CSMD1: variants seen among roughly 807,000 people sequenced by gnomAD.
The protein encoded by CSMD1 is CUB and sushi domain-containing protein 1.
CSMD1 carries 213 observed loss-of-function variants against 417.5 expected under a neutral mutation model. That is an observed-to-expected ratio of 0.51 (90% confidence interval 0.46 to 0.57). The LOEUF (loss-of-function observed/expected upper bound fraction) is 0.57, where lower values mean the gene tolerates loss of function less well. Among genes scored for constraint, CSMD1 ranks in the 20% least tolerant of loss-of-function variants. The probability of loss-of-function intolerance (pLI) is 0.00; values close to 1 mark genes in which losing one functional copy is unlikely to be tolerated. For synonymous variants in CSMD1, 2,862 were observed against 1,736.8 expected (o/e 1.65, Z -16.11); for missense variants, 6,923 against 4,529.7 (o/e 1.53, Z -15.17).
intron 3 of CSMD1, among the ~76,000 whole-genome samples, chr8:4,394,077 ACTC>A (rs961627306): frequency 2.0e-5 from 3 of 152,014 alleles, no homozygotes; most frequent in African/African-American, 7.3e-5. Context: ...TCTGAAACAA[ACTC>A]CTCAATCCTC....
intron 23 of CSMD1, among the ~76,000 whole-genome samples, chr8:3,339,325 T>A (rs986874461): frequency 6.6e-6 from 1 of 152,080 alleles, no homozygotes; most frequent in African/African-American, 2.4e-5. Flanking sequence ...GCAGAACACT[T>A]TAAAGATGTT....
intron 1 of CSMD1, among the ~76,000 whole-genome samples, chr8:4,927,189 C>G (rs979529490): frequency 6.6e-6 from 1 of 151,316 alleles, no homozygotes. Flanking sequence ...TCAGGGCAAT[C>G]TCCACCTCCC....
chr8:3,629,401 G>C (rs1465336557), intron 7 of CSMD1, among the ~76,000 whole-genome samples: 1 of 152,034 alleles, frequency 6.6e-6, no homozygotes, highest in Non-Finnish European at 1.5e-5. Flanking sequence ...GTTATTGTTG[G>C]AAATTTTATA....
At chr8:4,329,404 G>A (rs575357377) in intron 3 of CSMD1, among the ~76,000 whole-genome samples, 54 of 151,978 alleles carry the variant, frequency 3.6e-4, no homozygotes, top group African/African-American at 9.2e-4. Flanking sequence ...TTCTCCCACC[G>A]CAGCCTCCCG....
At chr8:4,720,300 A>T (rs1324033586) in intron 1 of CSMD1, among the ~76,000 whole-genome samples, 1 of 152,156 alleles carries the variant, frequency 6.6e-6, no homozygotes, top group Non-Finnish European at 1.5e-5. Flanking sequence ...AAGCAATGTG[A>T]AATTCCTTCT....
At chr8:4,814,113 G>A (rs547071652) in intron 1 of CSMD1, among the ~76,000 whole-genome samples, 7 of 152,144 alleles carry the variant, frequency 4.6e-5, no homozygotes, top group East Asian at 3.9e-4. Context: ...CATATATTAC[G>A]GCCTCAGCCT....
Position 4,871,298 on chromosome 8 carries a change from T to G in CSMD1, c.85+123034A>C, listed in dbSNP as rs1320256665. ...ATTTTAAATTTCCACTGCAATGCAC[T>G]TCTTGCCTTCTTTCACGGATTTAGA... On this transcript the variant is annotated intron_variant, in intron 1 of 69. Transcript: ENST00000635120. 1.3e-5 allele frequency among the ~76,000 whole-genome samples: 2 copies of G among 152,160 alleles called. 1 individual carries two copies. The highest frequency in any genetic ancestry group is 4.8e-5 in the African/African-American group (2 of 41,394).
intron 10 of CSMD1, among the ~76,000 whole-genome samples, chr8:3,558,601 C>CG (rs1799315091): frequency 7.9e-6 from 1 of 127,186 alleles, no homozygotes; most frequent in Admixed American, 8.4e-5. Flanking sequence ...AATAGTACCC[C>CG]GTGTCCACTC....
rs181121411 is a variant in CSMD1, at chr8:4,101,172, C to T, written c.416-69073G>A. On this transcript the variant is annotated intron_variant, in intron 3 of 69. Coordinates refer to ENST00000635120, the MANE Select transcript of CSMD1 (RefSeq NM_033225.6). ...AACCACTCTATACTGTCTATGAGTC[C>T]ATCTGAATACATCTATATGCCTACA... is the stretch of plus-strand genomic sequence containing the variant. Among the ~76,000 whole-genome samples the T allele has an allele frequency of 1.7e-3, 261 of 152,298 alleles. 2 individuals are homozygous for T. Among genetic ancestry groups the T allele is most frequent in the African/African-American group, 6.0e-3 (250 of 41,574 alleles).
At chr8:4,748,642 T>G (rs1040721184) in intron 1 of CSMD1, among the ~76,000 whole-genome samples, 1 of 152,202 alleles carries the variant, frequency 6.6e-6, no homozygotes, top group Non-Finnish European at 1.5e-5. Context: ...GACTGGAATG[T>G]CTCCAGAATT....
In CSMD1 at chr8:4,612,238, G is replaced by A. The variant is rs191109124; in HGVS notation, c.302+25104C>T. Among the ~76,000 whole-genome samples the A allele has an allele frequency of 1.4e-4, 21 of 152,188 alleles. 1 individual carries two copies. Among genetic ancestry groups the A allele is most frequent in the East Asian group, 5.8e-4 (3 of 5,178 alleles). On this transcript the variant is annotated intron_variant, in intron 2 of 69. Coordinates refer to ENST00000635120, the MANE Select transcript of CSMD1 (RefSeq NM_033225.6). ...CATCACCTTTGTTTTCAACACTTCC[G>A]TTTCCAGCACATGTGATAAAAATAA...
chr8:3,148,547 G>A (rs1296095823), intron 40 of CSMD1, among the ~76,000 whole-genome samples: 1 of 152,154 alleles, frequency 6.6e-6, no homozygotes, highest in Non-Finnish European at 1.5e-5. Flanking sequence ...TGCATAGAAC[G>A]GAGACTTCAA....
At chr8:4,340,260 A>G (rs1327741070) in intron 3 of CSMD1, among the ~76,000 whole-genome samples, 1 of 151,748 alleles carries the variant, frequency 6.6e-6, no homozygotes, top group Non-Finnish European at 1.5e-5. Flanking sequence ...AGCCTGGAAG[A>G]TTTGTCCTTT....
At chr8:3,618,202 C>G (rs1226932880) in intron 7 of CSMD1, among the ~76,000 whole-genome samples, 3 of 152,126 alleles carry the variant, frequency 2.0e-5, no homozygotes, top group African/African-American at 7.2e-5. Flanking sequence ...GATGGAGTCT[C>G]ACTATGTTTC....
intron 10 of CSMD1, among the ~76,000 whole-genome samples, chr8:3,564,139 G>T (rs533559934): frequency 6.6e-6 from 1 of 152,088 alleles, no homozygotes; most frequent in East Asian, 1.9e-4. Flanking sequence ...ATCTTTCCTT[G>T]TGTTTGGAAG....
At chr8:4,256,079 A>T (rs943512111) in intron 3 of CSMD1, among the ~76,000 whole-genome samples, 1 of 152,210 alleles carries the variant, frequency 6.6e-6, no homozygotes, top group African/African-American at 2.4e-5. Context: ...AGTTGTAGGC[A>T]AACGTAGGTG....
Position 3,449,228 on chromosome 8 carries a change from T to C in CSMD1, c.1561+19484A>G, listed in dbSNP as rs963633111. Among the ~76,000 whole-genome samples, 4 of 152,214 alleles carry C rather than the reference T, an allele frequency of 2.6e-5. No individual in the cohort carries two copies. The Middle Eastern group carries it at 9.5e-3, about 361-fold the overall frequency. ...TCAAAATAGCATAAACCTGAAGAATTGTAGAGGGAAGTTAAAATTAAACAG... is the reference window on the plus strand; with the variant it reads ...TCAAAATAGCATAAACCTGAAGAATCGTAGAGGGAAGTTAAAATTAAACAG... On this transcript the variant is annotated intron_variant, in intron 12 of 69. Transcript: ENST00000635120.
At chr8:4,061,978 C>T (rs1320899879) in intron 3 of CSMD1, among the ~76,000 whole-genome samples, 2 of 152,092 alleles carry the variant, frequency 1.3e-5, no homozygotes, top group South Asian at 2.1e-4. Flanking sequence ...GGATGCCAAA[C>T]CCCCTGCTGC....
intron 3 of CSMD1, among the ~76,000 whole-genome samples, chr8:4,182,865 A>G (rs1341035710): frequency 6.6e-6 from 1 of 152,206 alleles, no homozygotes; most frequent in African/African-American, 2.4e-5. Context: ...TAATAGCATC[A>G]AACTCAGAGT....
Sources: gnomAD v4.1 joint callset for allele counts (sites outside exome capture counted in the v4.1 genomes callset) on GRCh38, gnomAD v4.1.1 for gene constraint, MANE v1.5 for transcripts, NCBI Gene and HGNC (gene_info 2026-07-23, HGNC 2026-07-21) for gene names.